The following BMPR1B variants were observed in gnomAD, a reference collection of about 807,000 sequenced individuals.
BMPR1B encodes the protein bone morphogenetic protein receptor type-1B.
A neutral mutation model predicts 59.1 loss-of-function variants in BMPR1B; 12 were observed. The observed-to-expected ratio is 0.20, with a 90% CI of 0.13 to 0.33. The LOEUF is 0.33. BMPR1B is among the 10% of genes least tolerant of loss of function. The pLI is 1.00. For missense variants in BMPR1B, 550 were observed against 610.9 expected (o/e 0.90, Z 1.05); for synonymous variants, 237 against 207.3 (o/e 1.14, Z -1.23).
intron 1 of BMPR1B, among the ~76,000 whole-genome samples, chr4:94,803,690 G>T (rs1000117043): frequency 6.6e-6 from 1 of 152,204 alleles, no homozygotes; most frequent in East Asian, 1.9e-4. Flanking sequence ...AATTTGATTT[G>T]CAGAGCTCTT....
intron 3 of BMPR1B, among the ~76,000 whole-genome samples, chr4:95,087,220 G>C (rs1007847703): frequency 2.0e-5 from 3 of 152,000 alleles, no homozygotes; most frequent in African/African-American, 7.2e-5. Context: ...TGGAGACAGG[G>C]TTTGGCCATG....
At position 95,154,894 on chromosome 4, in the gene BMPR1B, C is replaced by T. The variant is rs779144644; in HGVS notation, c.*221C>T. On this transcript the variant is annotated 3_prime_UTR_variant, in exon 13 of 13. Transcript: ENST00000515059. ...ATGTCTGTTTGTAGGACGGAGAAAC[C>T]GCTTGGGTAACTTGTTCAAGATATG... The T allele has an allele frequency of 3.8e-4, 213 of 566,596 alleles. No individual in the cohort carries two copies. In the Middle Eastern group the frequency reaches 4.7e-3, roughly 13 times the overall value. The allele number at this position is 566,596 out of a possible 1,614,324, so 35.1% of individuals were successfully genotyped here.
At chr4:95,040,013 A>C (rs961236091) in intron 3 of BMPR1B, among the ~76,000 whole-genome samples, 1 of 152,172 alleles carries the variant, frequency 6.6e-6, no homozygotes, top group Non-Finnish European at 1.5e-5. Context: ...TTCCTCTAGC[A>C]TTAATTTTTG....
intron 1 of BMPR1B, among the ~76,000 whole-genome samples, chr4:94,812,995 CTTT>C (rs34150265): frequency 2.1e-4 from 31 of 148,596 alleles, no homozygotes; most frequent in South Asian, 4.3e-4. Flanking sequence ...ATAGTTTAAG[CTTT>C]TTTTTTTTTT....
At chr4:95,134,485 CAG>C (rs1383207100) in intron 10 of BMPR1B, among the ~76,000 whole-genome samples, 3 of 152,174 alleles carry the variant, frequency 2.0e-5, no homozygotes, top group Admixed American at 1.3e-4. Context: ...GCCCCACAAA[CAG>C]TGTAAAAGTG....
intron 1 of BMPR1B, among the ~76,000 whole-genome samples, chr4:94,843,840 C>T (rs554912292): frequency 1.9e-4 from 29 of 152,252 alleles, no homozygotes; most frequent in Non-Finnish European, 1.2e-4. Context: ...TGGGTACTCA[C>T]CTCCTGCTCT....
chr4:95,098,935 C>G (rs1008043662), intron 3 of BMPR1B, among the ~76,000 whole-genome samples: 1 of 152,116 alleles, frequency 6.6e-6, no homozygotes, highest in Non-Finnish European at 1.5e-5. Context: ...CCAGGATGGT[C>G]TGCATCCCCT....
At chr4:94,776,031 C>T (rs925788553) in intron 1 of BMPR1B, among the ~76,000 whole-genome samples, 1 of 146,518 alleles carries the variant, frequency 6.8e-6, no homozygotes, top group African/African-American at 2.5e-5. Context: ...GTGGGGCTTG[C>T]GGTGAGCTGA....
intron 1 of BMPR1B, among the ~76,000 whole-genome samples, chr4:94,807,597 A>C (rs1035028155): frequency 6.6e-6 from 1 of 152,220 alleles, no homozygotes; most frequent in Non-Finnish European, 1.5e-5. Flanking sequence ...GAGAGAATAT[A>C]AGTTTTTTAA....
At chr4:95,034,674 T>C (rs146090647) in intron 3 of BMPR1B, among the ~76,000 whole-genome samples, 147 of 152,174 alleles carry the variant, frequency 9.7e-4, no homozygotes, top group Middle Eastern at 3.4e-3. Flanking sequence ...ATGTTTTCTT[T>C]GGTTGATGGG....
intron 10 of BMPR1B, among the ~76,000 whole-genome samples, chr4:95,136,378 T>G (rs1302128714): frequency 6.6e-6 from 1 of 152,168 alleles, no homozygotes; most frequent in Non-Finnish European, 1.5e-5. Flanking sequence ...TCTCTTTTTT[T>G]GTTGTGTCTC....
chr4:94,824,404 G>A (rs780667154), intron 1 of BMPR1B, among the ~76,000 whole-genome samples: 1 of 152,142 alleles, frequency 6.6e-6, no homozygotes, highest in Non-Finnish European at 1.5e-5. Context: ...TTACTGCACT[G>A]TGAGCATGTG....
chr4:94,921,940 G>GA (rs561452036), intron 2 of BMPR1B, among the ~76,000 whole-genome samples: 19 of 149,312 alleles, frequency 1.3e-4, no homozygotes, highest in South Asian at 4.3e-4. Context: ...CAATTTTTCT[G>GA]AAAAAAAAAA....
chr4:95,076,820 A>G (rs1579038582), intron 3 of BMPR1B, among the ~76,000 whole-genome samples: 1 of 152,128 alleles, frequency 6.6e-6, no homozygotes, highest in East Asian at 1.9e-4. Flanking sequence ...AAGCAAAAAC[A>G]TGGGAATACA....
intron 2 of BMPR1B, among the ~76,000 whole-genome samples, chr4:94,938,977 T>C (rs890645339): frequency 6.6e-6 from 1 of 152,176 alleles, no homozygotes; most frequent in African/African-American, 2.4e-5. Context: ...AGCCACTGTA[T>C]GCCAGCCTGG....
chr4:94,799,176 T>G (rs1723304356), intron 1 of BMPR1B, among the ~76,000 whole-genome samples: 1 of 149,628 alleles, frequency 6.7e-6, no homozygotes, highest in Non-Finnish European at 1.5e-5. Context: ...AGATGAGAAC[T>G]TATTCTCTGT....
chr4:94,938,949 T>G (rs1380716788), intron 2 of BMPR1B, among the ~76,000 whole-genome samples: 1 of 152,098 alleles, frequency 6.6e-6, no homozygotes, highest in East Asian at 1.9e-4. Flanking sequence ...AGTTCAAGGT[T>G]GCAGTGAGCT....
intron 3 of BMPR1B, among the ~76,000 whole-genome samples, chr4:95,079,403 C>T (rs577576394): frequency 1.2e-3 from 176 of 152,286 alleles, no homozygotes; most frequent in African/African-American, 3.9e-3. Context: ...ATAACTCTTG[C>T]TCTCATGCAG....
At chr4:95,045,384 T>C (rs1725970521) in intron 3 of BMPR1B, among the ~76,000 whole-genome samples, 1 of 152,290 alleles carries the variant, frequency 6.6e-6, no homozygotes, top group South Asian at 2.1e-4. Context: ...TTGCTTCCCA[T>C]GTGTGTAGGA....
Sources: gnomAD v4.1 joint callset for allele counts (sites outside exome capture counted in the v4.1 genomes callset) on GRCh38, gnomAD v4.1.1 for gene constraint, MANE v1.5 for transcripts, NCBI Gene and HGNC (gene_info 2026-07-23, HGNC 2026-07-21) for gene names.